FSTL5: variants seen among roughly 807,000 people sequenced by gnomAD.
FSTL5 encodes follistatin-related protein 5.
FSTL5 carries 62 observed loss-of-function variants against 89.1 expected under a neutral mutation model. The ratio of observed to expected loss-of-function variants is 0.70; its 90% CI spans 0.57 to 0.86. The LOEUF (loss-of-function observed/expected upper bound fraction) is 0.86. Among genes scored for constraint, FSTL5 ranks in the 40% least tolerant of loss-of-function variants. The pLI, the probability that FSTL5 is intolerant of heterozygous loss-of-function variation, is 0.00. For missense variants in FSTL5, 1,057 were observed against 1,001.6 expected, an observed-to-expected ratio of 1.06 and a Z score of -0.75; for synonymous variants, 383 against 346.2, an observed-to-expected ratio of 1.11 and a Z score of -1.18.
At chr4:162,015,687 A>T (rs1399563156) in intron 3 of FSTL5, among the ~76,000 whole-genome samples, 1 of 152,272 alleles carries the variant, frequency 6.6e-6, no homozygotes. Context: ...CAAATAACTA[A>T]CTAGTCATAA....
intron 3 of FSTL5, among the ~76,000 whole-genome samples, chr4:161,938,025 C>A (rs958246684): frequency 1.3e-5 from 2 of 152,112 alleles, no homozygotes; most frequent in South Asian, 2.1e-4. Context: ...TTTTAACAGA[C>A]CTTCCTTTAC....
chr4:161,882,378 C>G (rs1732661164), intron 4 of FSTL5, among the ~76,000 whole-genome samples: 1 of 152,094 alleles, frequency 6.6e-6, no homozygotes, highest in Admixed American at 6.6e-5. Flanking sequence ...ATTCCCGACA[C>G]AGCAGATTAC....
chr4:161,620,513 G>A (rs1184021020), intron 7 of FSTL5, among the ~76,000 whole-genome samples: 2 of 151,926 alleles, frequency 1.3e-5, no homozygotes, highest in African/African-American at 2.4e-5. Flanking sequence ...AAAATTAGCC[G>A]GGCGCGGTGG....
intron 6 of FSTL5, among the ~76,000 whole-genome samples, chr4:161,685,125 GTAACA>G (rs1429945066): frequency 6.6e-6 from 1 of 152,076 alleles, no homozygotes. Flanking sequence ...TTTTATACCA[GTAACA>G]TGCTGCTTTG....
At chr4:161,883,859 T>C (rs1269635810) in intron 4 of FSTL5, among the ~76,000 whole-genome samples, 2 of 152,194 alleles carry the variant, frequency 1.3e-5, no homozygotes, top group East Asian at 3.8e-4. Context: ...GGATACATTA[T>C]TCTATGTTCT....
At chr4:162,046,094 G>A (rs1370378907) in intron 2 of FSTL5, among the ~76,000 whole-genome samples, 1 of 152,000 alleles carries the variant, frequency 6.6e-6, no homozygotes, top group Non-Finnish European at 1.5e-5. Context: ...CATTTTAGTA[G>A]GCTATTGACA....
intron 4 of FSTL5, among the ~76,000 whole-genome samples, chr4:161,858,902 G>A (rs991079267): frequency 6.6e-6 from 1 of 152,082 alleles, no homozygotes; most frequent in Non-Finnish European, 1.5e-5. Flanking sequence ...CTCTGTGCCT[G>A]TGGGAATAGT....
rs200983557 is a variant in FSTL5, at chr4:161,920,609, C to T, written c.204G>A (p.Lys68=). The change falls in exon 4 of 16, where the codon AAG becomes AAA. Residue 68 remains lysine, a synonymous_variant. Coordinates refer to ENST00000306100, the MANE Select transcript of FSTL5 (RefSeq NM_020116.5). The part of the protein sequence containing the change: ...QDGPFGSCEN[K]YCGLGRHCVT... ...CACAGTGTCTTCCCAAACCACAGTA[C>T]TTATTTTCACAAGATCCAAAAGGGC... 2.5e-6 allele frequency: 4 copies of T among 1,613,598 alleles called. No homozygotes were observed. The Admixed American group carries it at 5.0e-5, about 20-fold the overall frequency.
intron 6 of FSTL5, among the ~76,000 whole-genome samples, chr4:161,727,507 C>G (rs1246606827): frequency 6.6e-6 from 1 of 152,202 alleles, no homozygotes; most frequent in Non-Finnish European, 1.5e-5. Context: ...ATTTGCCAAA[C>G]ACCATTTCAC....
At chr4:161,738,180 C>A (rs1739886984) in intron 6 of FSTL5, among the ~76,000 whole-genome samples, 1 of 151,918 alleles carries the variant, frequency 6.6e-6, no homozygotes, top group Non-Finnish European at 1.5e-5. Context: ...GTTTTCTGGG[C>A]AACACTTAAT....
intron 15 of FSTL5, among the ~76,000 whole-genome samples, chr4:161,409,329 G>T (rs1271480693): frequency 6.6e-6 from 1 of 152,004 alleles, no homozygotes; most frequent in Non-Finnish European, 1.5e-5. Context: ...TTAAATTAAG[G>T]AGAAATAAAA....
chr4:161,824,227 T>C (rs940109836), intron 4 of FSTL5, among the ~76,000 whole-genome samples: 3 of 152,222 alleles, frequency 2.0e-5, no homozygotes, highest in Admixed American at 6.5e-5. Context: ...TTCTTCTACA[T>C]GTAGCTTGCC....
chr4:161,992,882 A>G (rs183243328), intron 3 of FSTL5, among the ~76,000 whole-genome samples: 31 of 19,960 alleles, frequency 1.6e-3, no homozygotes, highest in African/African-American at 3.2e-3. Context: ...ATATATATAT[A>G]TATATATATA....
intron 6 of FSTL5, among the ~76,000 whole-genome samples, chr4:161,676,420 G>A (rs974619145): frequency 4.6e-5 from 7 of 152,072 alleles, no homozygotes; most frequent in Non-Finnish European, 7.4e-5. Context: ...ATCAAACACC[G>A]CATGTTCTCA....
intron 3 of FSTL5, among the ~76,000 whole-genome samples, chr4:161,987,037 C>T (rs1391584665): frequency 6.6e-6 from 1 of 152,092 alleles, no homozygotes; most frequent in Non-Finnish European, 1.5e-5. Context: ...TGAACCAAAG[C>T]CATACTTTCC....
intron 6 of FSTL5, among the ~76,000 whole-genome samples, chr4:161,700,753 A>C (rs1281468189): frequency 6.6e-6 from 1 of 152,230 alleles, no homozygotes; most frequent in East Asian, 1.9e-4. Flanking sequence ...AAAAAATTAT[A>C]CTGAATTTCT....
intron 3 of FSTL5, among the ~76,000 whole-genome samples, chr4:161,956,274 G>A (rs1735023271): frequency 7.7e-6 from 1 of 129,670 alleles, no homozygotes; most frequent in African/African-American, 2.5e-5. Context: ...AAAAATGTAA[G>A]TAAAGAGATT....
intron 8 of FSTL5, among the ~76,000 whole-genome samples, chr4:161,568,347 A>G (rs922805494): frequency 2.0e-5 from 3 of 152,164 alleles, no homozygotes; most frequent in Admixed American, 2.0e-4. Flanking sequence ...AGTGCAGTTG[A>G]CACAGTAACA....
chr4:161,928,417 G>T (rs1734189876), intron 3 of FSTL5, among the ~76,000 whole-genome samples: 2 of 151,730 alleles, frequency 1.3e-5, no homozygotes, highest in African/African-American at 4.8e-5. Context: ...CTGTTCATTT[G>T]GGTAAATATT....
Sources: allele counts gnomAD v4.1 joint callset (sites outside exome capture counted in the v4.1 genomes callset), GRCh38; gene constraint gnomAD v4.1.1; transcripts MANE v1.5; gene names NCBI Gene and HGNC (gene_info 2026-07-23, HGNC 2026-07-21).